COG8: variants seen among roughly 807,000 people sequenced by gnomAD.
COG8 encodes the protein component of oligomeric golgi complex 8, also known as conserved oligomeric Golgi complex subunit 8.
A neutral mutation model predicts 46.5 loss-of-function variants in COG8; 45 were observed. The ratio of observed to expected loss-of-function variants is 0.97; its 90% confidence interval spans 0.76 to 1.24. The LOEUF is 1.24. Among genes scored for constraint, COG8 ranks in the 50% most tolerant of loss-of-function variants. The pLI, the probability that COG8 is intolerant of heterozygous loss-of-function variation, is 0.00. For missense variants in COG8, 793 were observed against 820.8 expected (o/e 0.97, Z 0.41); for synonymous variants, 407 against 347.8 (o/e 1.17, Z -1.90).
chr16:69,329,747 A>G (rs957706441), intron 5 of COG8, among the ~76,000 whole-genome samples: 1 of 152,154 alleles, frequency 6.6e-6, no homozygotes, highest in Non-Finnish European at 1.5e-5. Context: ...AGAGCAAGGG[A>G]GCAGAAAGCA....
chr16:69,330,298 C>T, intron 5 of COG8: 2 of 1,431,976 alleles, frequency 1.4e-6, no homozygotes, highest in Non-Finnish European at 9.1e-7. Flanking sequence ...GCCGCTGCAG[C>T]TCGGGCCCGC....
rs866278829 is a variant in COG8, at chr16:69,328,766, C to T, written c.*440G>A. 46 of 468,292 alleles carry T rather than the reference C, an allele frequency of 9.8e-5. No individual in the cohort carries two copies. The highest frequency in any genetic ancestry group is 1.5e-4 in the Non-Finnish European group (41 of 268,072). 29.0% of individuals were successfully genotyped at this position (468,292 alleles called of 1,614,324 possible). ...CGAATGCAATTACCCCACCTTCCTC[C>T]ATACAGAATTGTTAGGAAATGTCCA... On this transcript the variant is annotated 3_prime_UTR_variant, in exon 6 of 6. Coordinates refer to ENST00000306875, the MANE Select transcript of COG8 (RefSeq NM_032382.5).
In COG8 at chr16:69,335,218, G is replaced by A. The variant is rs1244337365; in HGVS notation, c.716C>T (p.Thr239Ile). 6.2e-7 allele frequency: 1 copy of A among 1,614,056 alleles called. No individual in the cohort carries two copies. Among genetic ancestry groups the A allele is most frequent in the African/African-American group, 1.3e-5 (1 of 74,930 alleles). ...IGYLRRMDVF[T>I]EAELRVKFLQ... ...AAACTTCACCCTCAACTCAGCCTCAGTGAAGACGTCCATGCGCCGCAGGTA... is the reference window on the plus strand; with the variant it reads ...AAACTTCACCCTCAACTCAGCCTCAATGAAGACGTCCATGCGCCGCAGGTA... The change falls in exon 3 of 6, where the codon ACT (threonine) becomes ATT (isoleucine). Residue 239 changes from threonine to isoleucine, a missense_variant. Coordinates refer to ENST00000306875, the MANE Select transcript of COG8 (RefSeq NM_032382.5).
Position 69,330,664 on chromosome 16 carries a change from G to T in COG8, c.*26+149C>A, listed in dbSNP as rs112744495. 8.8e-4 allele frequency: 1,235 copies of T among 1,396,734 alleles called. 14 individuals are homozygous for T. In the African/African-American group the frequency reaches 0.011, roughly 12 times the overall value. 86.5% of individuals were successfully genotyped at this position (1,396,734 alleles called of 1,614,324 possible). On this transcript the variant is annotated intron_variant, in intron 5 of 5. Transcript: ENST00000306875. The stretch of plus-strand genomic sequence containing the variant: ...GTCGGCCAGCACACAGCGAAGCCGC[G>T]ACTGGATCCCCGCCTTCCTGCTTAG...
At chr16:69,330,220 C>A (rs2011681654) in intron 5 of COG8, 1 of 1,453,458 alleles carries the variant, frequency 6.9e-7, no homozygotes. Context: ...GCCGCGGCAC[C>A]CCCAGCTGCG....
At chr16:69,333,013 T>C (rs547369868) in intron 3 of COG8, 131 bp from the exon 4 acceptor site, 10 of 804,656 alleles carry the variant, frequency 1.2e-5, no homozygotes, top group African/African-American at 8.5e-5. Context: ...TACATTATTT[T>C]ACTGTCTCAT....
chr16:69,330,691 C>G, intron 5 of COG8, 122 bp downstream of exon 5: 1 of 1,397,738 alleles, frequency 7.2e-7, no homozygotes, highest in African/African-American at 1.5e-5. Context: ...CCTGCTTAGA[C>G]TGGCAGTGAG....
chr16:69,336,787 C>T (rs1350409523), intron 1 of COG8, 75 bp from the exon 2 acceptor site: 2 of 1,248,954 alleles, frequency 1.6e-6, no homozygotes, highest in Admixed American at 1.8e-5. Flanking sequence ...CAAGTACCTG[C>T]TATGAACATT....
intron 3 of COG8, among the ~76,000 whole-genome samples, chr16:69,333,166 G>GTTTTTTTT (rs554776759): frequency 7.6e-6 from 1 of 130,886 alleles, no homozygotes; most frequent in African/African-American, 2.8e-5. Context: ...CATGGTTTTG[G>GTTTTTTTT]TTTTTTTTTT....
intron 4 of COG8, among the ~76,000 whole-genome samples, chr16:69,331,552 G>T (rs2011846368): frequency 1.3e-5 from 2 of 150,008 alleles, no homozygotes; most frequent in Admixed American, 1.3e-4. Flanking sequence ...GCCCAGGCTG[G>T]AGTGCAGTGG....
At chr16:69,332,558 C>T in intron 4 of COG8, 156 bp downstream of exon 4, 1 of 787,338 alleles carries the variant, frequency 1.3e-6, no homozygotes. Context: ...CGAGGAATGA[C>T]TACAAACGTG....
At chr16:69,329,223 T>C (rs2143299513) in intron 5 of COG8, 44 bp from the exon 6 acceptor site, 2 of 1,519,756 alleles carry the variant, frequency 1.3e-6, no homozygotes, top group Non-Finnish European at 8.8e-7. Flanking sequence ...ACAGCTGAAC[T>C]GCATCATCCT....
intron 4 of COG8, 128 bp downstream of exon 4, chr16:69,332,586 G>T: frequency 1.1e-6 from 1 of 939,770 alleles, no homozygotes; most frequent in Non-Finnish European, 1.7e-6. Context: ...GATCTTTTTG[G>T]AGTGATGGAA....
intron 4 of COG8, 40 bp downstream of exon 4, chr16:69,332,672 TAC>T (rs1180992727): frequency 2.0e-6 from 3 of 1,532,776 alleles, no homozygotes; most frequent in Non-Finnish European, 2.7e-6. Context: ...GTATGTGAAT[TAC>T]ACATCAGTAA....
In COG8 at chr16:69,331,214, G is replaced by A. The variant is rs1171529563; in HGVS notation, c.1583-119C>T. ...TGTAATCCCAGCACTTTGGGAGGCCGGGGAGGGGGGGGCGGATCACCTGAG... is the reference window on the plus strand; with the variant it reads ...TGTAATCCCAGCACTTTGGGAGGCCAGGGAGGGGGGGGCGGATCACCTGAG... On this transcript the variant is annotated intron_variant, in intron 4 of 5. Transcript: ENST00000306875. 7.7e-6 allele frequency: 8 copies of A among 1,044,956 alleles called. No homozygotes were observed. The East Asian group carries it at 1.6e-4, about 21-fold the overall frequency. 64.7% of individuals were successfully genotyped at this position (1,044,956 alleles called of 1,614,324 possible). A position where few individuals can be genotyped will look rare whatever the true frequency, so the allele number is the denominator to read the frequency against.
chr16:69,339,375 G>A lies in COG8; in HGVS notation c.178C>T (p.Arg60Trp), dbSNP rs559293634. 16 of 1,582,506 alleles carry A rather than the reference G, an allele frequency of 1.0e-5. No homozygotes were observed. In the East Asian group the frequency reaches 3.5e-4, roughly 34 times the overall value. ...LRELSGSGLE[R>W]LRREPERLAE... ...AGGCGCTCGGGCTCGCGCCGCAGCC[G>A]CTCCAGCCCCGAGCCGCTCAACTCC... Residue 60 changes from arginine to tryptophan, a missense_variant, in exon 1 of 6, where the codon CGG becomes TGG. By Grantham distance (101) the Arg-to-Trp change is moderately radical. Transcript: ENST00000306875.
At chr16:69,329,707 A>T (rs1965724115) in intron 5 of COG8, among the ~76,000 whole-genome samples, 4 of 152,182 alleles carry the variant, frequency 2.6e-5, no homozygotes, top group Admixed American at 2.6e-4. Context: ...TGGCGGATCT[A>T]ACTGGGGCCG....
intron 2 of COG8, among the ~76,000 whole-genome samples, chr16:69,335,815 C>CA (rs550711525): frequency 0.089 from 7,871 of 88,472 alleles, 236 homozygotes; most frequent in South Asian, 0.12. Flanking sequence ...GACTCTGTCT[C>CA]AAAAAAAAAA....
At chr16:69,332,491 C>T in intron 4 of COG8, 1 of 623,828 alleles carries the variant, frequency 1.6e-6, no homozygotes, top group Non-Finnish European at 2.8e-6. Flanking sequence ...ATGAAATGTC[C>T]AGAAGAGGCA....
Sources: gnomAD v4.1 joint callset for allele counts (sites outside exome capture counted in the v4.1 genomes callset) on GRCh38, gnomAD v4.1.1 for gene constraint, MANE v1.5 for transcripts, NCBI Gene and HGNC (gene_info 2026-07-23, HGNC 2026-07-21) for gene names.